CHN2: variants seen among roughly 807,000 people sequenced by gnomAD.
The protein encoded by CHN2 is chimerin 2.
In CHN2, 35 loss-of-function variants were observed where a neutral mutation model predicts 56.3. That is an observed-to-expected ratio of 0.62 (90% CI 0.47 to 0.82). The LOEUF (loss-of-function observed/expected upper bound fraction) is 0.82. CHN2 is among the 40% of genes least tolerant of loss of function. CHN2 has a pLI of 0.00. For missense variants in CHN2, 491 were observed against 580.5 expected (o/e 0.85, Z 1.58); for synonymous variants, 210 against 212.8 (o/e 0.99, Z 0.12).
At chr7:29,379,282 G>A (rs555624355) in intron 3 of CHN2, among the ~76,000 whole-genome samples, 1 of 152,320 alleles carries the variant, frequency 6.6e-6, no homozygotes, top group African/African-American at 2.4e-5. Flanking sequence ...AAGCCTGTTA[G>A]CAAAGGTGGC....
At position 29,424,907 on chromosome 7, in the gene CHN2, T is replaced by G. The variant is rs566501257; in HGVS notation, c.576+24079T>G. Among the ~76,000 whole-genome samples the G allele has an allele frequency of 3.3e-5, 5 of 152,330 alleles. No individual in the cohort carries two copies. In the East Asian group the frequency reaches 9.7e-4, roughly 29 times the overall value. On this transcript the variant is annotated intron_variant, in intron 6 of 12. Transcript: ENST00000222792. ...CTGGAGGATTTTGTCTTTACATTAA[T>G]CAAGGCTGACAAAGCTGCATCCTGG...
intron 1 of CHN2, among the ~76,000 whole-genome samples, chr7:29,251,514 T>C (rs1584869228): frequency 6.6e-6 from 1 of 152,302 alleles, no homozygotes; most frequent in East Asian, 1.9e-4. Flanking sequence ...TCTAATAAGA[T>C]TACTTTTTAG....
chr7:29,469,683 T>A (rs983764644), intron 6 of CHN2, among the ~76,000 whole-genome samples: 6 of 152,228 alleles, frequency 3.9e-5, no homozygotes, highest in Admixed American at 6.5e-5. Flanking sequence ...AGACCTTTTC[T>A]GACCACCTTG....
chr7:29,184,320 T>G (rs1048644286), intron 2 of CHN2: 6 of 151,646 alleles, frequency 4.0e-5, no homozygotes, highest in African/African-American at 1.2e-4. Flanking sequence ...ATATCTCATA[T>G]CTCATACATC....
rs1457684159 is a variant in CHN2 at position 29,513,429 on chromosome 7, G to A, written c.*694G>A. ...ATGGTATGTATTTATAGCAATTGTA[G>A]GATGGTCTGAAATGTCCACACACTT... On this transcript the variant is annotated 3_prime_UTR_variant, in exon 13 of 13. Transcript: ENST00000222792. The A allele has an allele frequency of 6.6e-6, 1 of 152,466 alleles. No individual in the cohort carries two copies. The highest frequency in any genetic ancestry group is 2.4e-5 in the African/African-American group (1 of 41,444). 9.4% of individuals were successfully genotyped at this position (152,466 alleles called of 1,614,324 possible). A position where few individuals can be genotyped will look rare whatever the true frequency, so the allele number is the denominator to read the frequency against.
intron 6 of CHN2, among the ~76,000 whole-genome samples, chr7:29,453,485 G>A (rs906676157): frequency 2.6e-5 from 4 of 152,192 alleles, no homozygotes; most frequent in African/African-American, 9.7e-5. Context: ...CCTGGAGGAG[G>A]ACACCACTTG....
intron 6 of CHN2, among the ~76,000 whole-genome samples, chr7:29,461,212 G>A (rs1016968315): frequency 6.6e-6 from 1 of 152,200 alleles, no homozygotes; most frequent in Admixed American, 6.5e-5. Context: ...AACATGTAAT[G>A]TATGCTACAC....
chr7:29,475,320 C>G (rs571519311), intron 6 of CHN2, among the ~76,000 whole-genome samples: 2 of 152,306 alleles, frequency 1.3e-5, no homozygotes, highest in South Asian at 4.1e-4. Flanking sequence ...TAAGTGGTAC[C>G]TGCTTTCACA....
rs76066454 is a variant in CHN2, at chr7:29,275,260, A to G, written c.50-79365A>G. Among the ~76,000 whole-genome samples, 1,452 of 152,358 alleles carry G rather than the reference A, an allele frequency of 9.5e-3. 27 individuals are homozygous for G. Among genetic ancestry groups the G allele is most frequent in the African/African-American group, 0.032 (1,347 of 41,590 alleles). ...CAAAATAGATATCAGACATTATTGT[A>G]ATATTATTGGTGTCTCTGAAACTTG... is the stretch of plus-strand genomic sequence containing the variant. On this transcript the variant is annotated intron_variant, in intron 1 of 12. Coordinates refer to ENST00000222792, the MANE Select transcript of CHN2 (RefSeq NM_004067.4).
chr7:29,309,664 G>A (rs1562907764), intron 1 of CHN2, among the ~76,000 whole-genome samples: 1 of 152,176 alleles, frequency 6.6e-6, no homozygotes, highest in African/African-American at 2.4e-5. Context: ...GCGTAACTTC[G>A]GGAGTTTGTG....
Position 29,260,615 on chromosome 7 carries a change from G to A in CHN2, c.49+65625G>A, listed in dbSNP as rs372816179. On this transcript the variant is annotated intron_variant, in intron 1 of 12. Coordinates refer to ENST00000222792, the MANE Select transcript of CHN2 (RefSeq NM_004067.4). ...AGCCCTGGATGTAGCTCTGCCAGCC[G>A]GGATCCCTTATAAGAAGCTTCCTTA... Among the ~76,000 whole-genome samples the A allele has an allele frequency of 1.0e-3, 154 of 152,186 alleles. 1 individual carries two copies. The highest frequency in any genetic ancestry group is 3.7e-3 in the South Asian group (18 of 4,812).
At chr7:29,460,692 C>A (rs1785100859) in intron 6 of CHN2, among the ~76,000 whole-genome samples, 1 of 152,194 alleles carries the variant, frequency 6.6e-6, no homozygotes, top group Non-Finnish European at 1.5e-5. Context: ...CAGAATCTTT[C>A]CAGGTGTGGC....
chr7:29,231,806 C>T (rs1163649749), intron 1 of CHN2, among the ~76,000 whole-genome samples: 2 of 152,100 alleles, frequency 1.3e-5, no homozygotes, highest in African/African-American at 4.8e-5. Context: ...AGGGTGTTTC[C>T]TTTTTTGGTT....
rs1796567877 is a variant in CHN2 at position 29,171,234 on chromosome 7, G to A, written c.274+24274G>A. ...GAACAGCGCAGACATCACCTAATACGCGTCCTACTGTATTCTTTCTGCCAC... is the reference window on the plus strand; with the variant it reads ...GAACAGCGCAGACATCACCTAATACACGTCCTACTGTATTCTTTCTGCCAC... On this transcript the variant is annotated intron_variant, in intron 2 of 6. Coordinates refer to the CHN2 transcript ENST00000439384. Among the ~76,000 whole-genome samples the A allele has an allele frequency of 2.0e-5, 3 of 152,002 alleles. No homozygotes were observed. The South Asian group carries it at 6.2e-4, about 32-fold the overall frequency.
At chr7:29,509,271 A>G in intron 11 of CHN2, 30 bp from the exon 12 acceptor site, 1 of 1,539,298 alleles carries the variant, frequency 6.5e-7, no homozygotes, top group South Asian at 1.1e-5. Flanking sequence ...CACACTCTGA[A>G]CTAATACCCA....
intron 1 of CHN2, among the ~76,000 whole-genome samples, chr7:29,211,985 C>T (rs1009127040): frequency 6.6e-6 from 1 of 152,158 alleles, no homozygotes; most frequent in South Asian, 2.1e-4. Flanking sequence ...CGCATCATAG[C>T]CTGGTTTCAC....
chr7:29,421,802 C>G (rs1804373461), intron 6 of CHN2, among the ~76,000 whole-genome samples: 1 of 152,190 alleles, frequency 6.6e-6, no homozygotes, highest in African/African-American at 2.4e-5. Flanking sequence ...AGAGCACCCC[C>G]ATCCTTGCCA....
At chr7:29,385,818 A>G (rs1470892029) in intron 3 of CHN2, among the ~76,000 whole-genome samples, 1 of 152,218 alleles carries the variant, frequency 6.6e-6, no homozygotes, top group Non-Finnish European at 1.5e-5. Flanking sequence ...GGCAGAAGTG[A>G]AGCCAGAAAA....
intron 1 of CHN2, among the ~76,000 whole-genome samples, chr7:29,325,978 T>C (rs1369272114): frequency 6.6e-6 from 1 of 152,200 alleles, no homozygotes; most frequent in African/African-American, 2.4e-5. Flanking sequence ...GAACATTGGA[T>C]CAACTTTAAA....
Sources: allele counts gnomAD v4.1 joint callset (sites outside exome capture counted in the v4.1 genomes callset), GRCh38; gene constraint gnomAD v4.1.1; transcripts MANE v1.5; gene names NCBI Gene and HGNC (gene_info 2026-07-23, HGNC 2026-07-21).